Variants in RAB3B observed in about 807,000 individuals in gnomAD.
RAB3B encodes RAB3B, member RAS oncogene family, also known as ras-related protein Rab-3B.
Under a neutral mutation model 20.5 loss-of-function variants are expected in RAB3B, and 11 were observed. The observed-to-expected ratio is 0.54, with a 90% CI of 0.34 to 0.89. The LOEUF is 0.89. RAB3B is among the 40% of genes least tolerant of loss of function. The probability of loss-of-function intolerance (pLI) is 0.02; values close to 1 mark genes in which losing one functional copy is unlikely to be tolerated. For synonymous variants in RAB3B, 99 were observed against 106.3 expected (o/e 0.93, Z 0.42); for missense variants, 225 against 280.9 (o/e 0.80, Z 1.42).
chr1:51,980,859 T>C, intron 1 of RAB3B: 3 of 663,836 alleles, frequency 4.5e-6, no homozygotes, highest in Non-Finnish European at 8.0e-6. Flanking sequence ...GACTATTTCC[T>C]GGAGAAAAAT....
intron 2 of RAB3B, among the ~76,000 whole-genome samples, chr1:51,955,516 T>C (rs1349986770): frequency 1.3e-5 from 2 of 152,076 alleles, no homozygotes; most frequent in African/African-American, 4.8e-5. Context: ...CTGAGCCTCC[T>C]GAGTAGCTGC....
chr1:51,989,103 G>GCACA (rs60307928), intron 1 of RAB3B, among the ~76,000 whole-genome samples: 1,653 of 132,744 alleles, frequency 0.012, 42 homozygotes, highest in Non-Finnish European at 0.016. Flanking sequence ...CTGTGCGCGC[G>GCACA]CACACACACA....
rs1684053064 is a variant in RAB3B at position 51,914,469 on chromosome 1, C to T, written c.*5458G>A. Reference sequence around the variant, plus strand: ...GGGTGATGATTTGACAATGTCTATACTAAATCATGAAGCTATACGTTTCAT... The same window carrying T: ...GGGTGATGATTTGACAATGTCTATATTAAATCATGAAGCTATACGTTTCAT... On this transcript the variant is annotated 3_prime_UTR_variant, in exon 5 of 5. Transcript: ENST00000371655. 6.6e-6 allele frequency: 1 copy of T among 152,152 alleles called. No individual in the cohort carries two copies. Among genetic ancestry groups the T allele is most frequent in the Non-Finnish European group, 1.5e-5 (1 of 68,022 alleles). 9.4% of individuals were successfully genotyped at this position (152,152 alleles called of 1,614,324 possible). A position where few individuals can be genotyped will look rare whatever the true frequency, so the allele number is the denominator to read the frequency against.
At chr1:51,990,223 G>GC (rs1190200058) in intron 1 of RAB3B, among the ~76,000 whole-genome samples, 1 of 17,176 alleles carries the variant, frequency 5.8e-5, no homozygotes, top group Non-Finnish European at 1.1e-4. Flanking sequence ...CAGCTCCCCC[G>GC]CCCCCCACGC....
chr1:51,941,329 T>C (rs1684490948), intron 2 of RAB3B, among the ~76,000 whole-genome samples: 1 of 152,162 alleles, frequency 6.6e-6, no homozygotes, highest in South Asian at 2.1e-4. Flanking sequence ...TCAAAGATTT[T>C]GAGCCAAGGG....
intron 2 of RAB3B, among the ~76,000 whole-genome samples, chr1:51,953,129 C>T (rs1475857536): frequency 1.3e-5 from 2 of 152,190 alleles, no homozygotes; most frequent in Admixed American, 1.3e-4. Context: ...GCAGAATGAA[C>T]CATCATTCAT....
intron 4 of RAB3B, among the ~76,000 whole-genome samples, chr1:51,921,981 T>C (rs923525537): frequency 3.9e-5 from 6 of 152,204 alleles, no homozygotes; most frequent in African/African-American, 1.4e-4. Context: ...ATGCCATTCC[T>C]GCCAGCCCAC....
At chr1:51,990,478 C>G (rs1685209522) in intron 1 of RAB3B, 74 bp downstream of exon 1, 1 of 150,866 alleles carries the variant, frequency 6.6e-6, no homozygotes, top group Non-Finnish European at 1.5e-5. Flanking sequence ...CGCCCGCTCT[C>G]GGTGCCCAGC....
chr1:51,949,781 T>C (rs1684612483), intron 2 of RAB3B, among the ~76,000 whole-genome samples: 1 of 152,234 alleles, frequency 6.6e-6, no homozygotes, highest in South Asian at 2.1e-4. Context: ...GCTCCGGGAC[T>C]GGCTTGGCCC....
At chr1:51,964,805 T>A (rs748711230) in intron 2 of RAB3B, among the ~76,000 whole-genome samples, 4 of 152,212 alleles carry the variant, frequency 2.6e-5, no homozygotes, top group Non-Finnish European at 5.9e-5. Context: ...CCTCCCTAGT[T>A]CAAGCCACCA....
chr1:51,919,975 C>A lies in RAB3B; in HGVS notation c.612G>T (p.Thr204=). 6.2e-7 allele frequency: 1 copy of A among 1,614,026 alleles called. No individual in the cohort carries two copies. Among genetic ancestry groups the A allele is most frequent in the Non-Finnish European group, 8.5e-7 (1 of 1,179,980 alleles). ...DPSMLGSSKN[T]RLSDTPPLLQ... is the part of the protein sequence containing the mutation. ...GCAGCGGTGGGGTGTCCGAGAGACG[C>A]GTGTTCTTGGAGGAGCCCAGCATCG... The change falls in exon 5 of 5, where the codon ACG becomes ACT. Residue 204 remains threonine, a synonymous_variant. Coordinates refer to ENST00000371655, the MANE Select transcript of RAB3B (RefSeq NM_002867.4).
chr1:51,967,426 G>T (rs2124298092), intron 2 of RAB3B, among the ~76,000 whole-genome samples: 1 of 151,704 alleles, frequency 6.6e-6, no homozygotes, highest in African/African-American at 2.4e-5. Context: ...TTAATCAGCA[G>T]TGTGAACTTA....
chr1:51,972,532 G>T (rs930462090), intron 2 of RAB3B, among the ~76,000 whole-genome samples: 1 of 140,464 alleles, frequency 7.1e-6, no homozygotes, highest in Non-Finnish European at 1.5e-5. Context: ...TCATCCCTCA[G>T]TGTGCTTGTA....
chr1:51,981,541 A>G (rs1241623202), intron 1 of RAB3B, among the ~76,000 whole-genome samples: 1 of 152,216 alleles, frequency 6.6e-6, no homozygotes, highest in Non-Finnish European at 1.5e-5. Flanking sequence ...TAAATAACAT[A>G]CCATGCATTC....
intron 2 of RAB3B, among the ~76,000 whole-genome samples, chr1:51,967,326 A>C (rs1684866921): frequency 1.3e-5 from 2 of 151,114 alleles, no homozygotes; most frequent in South Asian, 4.2e-4. Flanking sequence ...AAAATAAATT[A>C]ATTAATTAAA....
At chr1:51,939,427 T>A (rs1684458993) in intron 2 of RAB3B, among the ~76,000 whole-genome samples, 1 of 152,078 alleles carries the variant, frequency 6.6e-6, no homozygotes, top group South Asian at 2.1e-4. Flanking sequence ...TCTGGGACTT[T>A]TTTTTTTTAA....
At chr1:51,929,711 C>G (rs779016298) in intron 4 of RAB3B, among the ~76,000 whole-genome samples, 14 of 152,172 alleles carry the variant, frequency 9.2e-5, no homozygotes, top group Non-Finnish European at 2.1e-4. Flanking sequence ...ACAATTTTAA[C>G]AGCTGTATTG....
intron 2 of RAB3B, among the ~76,000 whole-genome samples, chr1:51,958,051 A>G (rs1475984666): frequency 6.6e-6 from 1 of 152,042 alleles, no homozygotes; most frequent in East Asian, 1.9e-4. Flanking sequence ...TACCTTCCTT[A>G]TCTCTTCCTC....
intron 2 of RAB3B, among the ~76,000 whole-genome samples, chr1:51,967,703 T>C (rs1473663211): frequency 6.6e-6 from 1 of 151,410 alleles, no homozygotes; most frequent in African/African-American, 2.4e-5. Flanking sequence ...TTTAAATTTT[T>C]TGTAGAGACA....
Sources: gnomAD v4.1 joint callset for allele counts (sites outside exome capture counted in the v4.1 genomes callset) on GRCh38, gnomAD v4.1.1 for gene constraint, MANE v1.5 for transcripts, NCBI Gene and HGNC (gene_info 2026-07-23, HGNC 2026-07-21) for gene names.